The following ADGRD1 variants were observed in gnomAD, a reference collection of about 807,000 sequenced individuals.
ADGRD1 encodes adhesion G protein-coupled receptor D1.
A neutral mutation model predicts 113.4 loss-of-function variants in ADGRD1; 77 were observed. That is an observed-to-expected ratio of 0.68 (90% CI 0.57 to 0.82). The LOEUF is 0.82. Among genes scored for constraint, ADGRD1 ranks in the 40% least tolerant of loss-of-function variants. The pLI is 0.00. For missense variants in ADGRD1, 1,036 were observed against 1,139.1 expected (o/e 0.91, Z 1.30); for synonymous variants, 474 against 475.0 (o/e 1.00, Z 0.03).
chr12:131,005,977 A>G lies in ADGRD1; in HGVS notation c.1261A>G (p.Ser421Gly). The stretch of plus-strand genomic sequence containing the variant: ...CCCCTCTGCTCTCTCTGCAGCCTGG[A>G]GCACCGTCGTGGGTCTGCTGTACCA... ...PHEAFHRHAW[S>G]TVVGLLYHSM... Residue 421 changes from serine (S) to glycine (G), a missense_variant, in exon 12 of 25, where the codon AGC (serine) becomes GGC (glycine). Coordinates refer to ENST00000261654, the MANE Select transcript of ADGRD1 (RefSeq NM_198827.5). The G allele has an allele frequency of 6.2e-7, 1 of 1,610,782 alleles. No individual in the cohort carries two copies.
At chr12:130,980,464 C>T (rs143893311) in intron 4 of ADGRD1, among the ~76,000 whole-genome samples, 2 of 151,140 alleles carry the variant, frequency 1.3e-5, no homozygotes, top group East Asian at 3.9e-4. Flanking sequence ...ATGGCGTGGT[C>T]TCGGCTCACT....
chr12:131,008,083 A>G (rs1877390322), intron 12 of ADGRD1, among the ~76,000 whole-genome samples: 1 of 152,220 alleles, frequency 6.6e-6, no homozygotes, highest in South Asian at 2.1e-4. Flanking sequence ...TTAAAACAGG[A>G]GTAATAATAG....
intron 13 of ADGRD1, among the ~76,000 whole-genome samples, chr12:131,014,563 T>C: frequency 6.6e-6 from 1 of 152,116 alleles, no homozygotes; most frequent in East Asian, 1.9e-4. Flanking sequence ...GTGTCGATGT[T>C]GGGGAAGAGG....
chr12:131,005,896 G>T, intron 11 of ADGRD1, 76 bp from the exon 12 acceptor site: 1 of 1,105,174 alleles, frequency 9.0e-7, no homozygotes, highest in South Asian at 1.2e-5. Flanking sequence ...CATGCATGGC[G>T]GGGCGTGGGG....
chr12:130,991,179 T>C (rs1439364151), intron 7 of ADGRD1, 101 bp downstream of exon 7: 1 of 871,928 alleles, frequency 1.1e-6, no homozygotes, highest in Non-Finnish European at 1.9e-6. Context: ...GGCTCTCTGT[T>C]ATCGGCAGTA....
At chr12:131,029,524 A>G (rs879200074) in intron 13 of ADGRD1, among the ~76,000 whole-genome samples, 2 of 151,400 alleles carry the variant, frequency 1.3e-5, no homozygotes, top group East Asian at 3.9e-4. Flanking sequence ...CTCTGGGATT[A>G]GGTTGTGGAC....
At chr12:131,094,077 C>A (rs2137266390) in intron 15 of ADGRD1, among the ~76,000 whole-genome samples, 1 of 150,686 alleles carries the variant, frequency 6.6e-6, no homozygotes, top group Non-Finnish European at 1.5e-5. Flanking sequence ...GGCACCCAGC[C>A]CTGAGCACCC....
chr12:131,101,768 C>G (rs927802496), intron 15 of ADGRD1, among the ~76,000 whole-genome samples: 1 of 152,256 alleles, frequency 6.6e-6, no homozygotes, highest in Middle Eastern at 3.4e-3. Flanking sequence ...TGCTGAGGCC[C>G]AAAACTCTTG....
rs748755979 is a variant in ADGRD1, at chr12:131,050,938, C to T, written c.1474-25863C>T. ...CAGGTGGGAATGCCTGCTTGCCCAC[C>T]GCTCTGTGTGCTGTGTGCCCGGTTC... On this transcript the variant is annotated intron_variant, in intron 13 of 24. Transcript: ENST00000261654. The surrounding 1 kb of genome is among the most constrained non-coding windows in gnomAD (Gnocchi z 4.8). Among the ~76,000 whole-genome samples the T allele has an allele frequency of 3.9e-5, 6 of 152,180 alleles. No individual in the cohort carries two copies. Among genetic ancestry groups the T allele is most frequent in the Non-Finnish European group, 1.5e-5 (1 of 68,026 alleles).
chr12:131,002,735 T>C, intron 9 of ADGRD1: 1 of 1,255,982 alleles, frequency 8.0e-7, no homozygotes, highest in Non-Finnish European at 1.0e-6. Flanking sequence ...TGCCGGCACC[T>C]CGGAAGCAGC....
At chr12:130,955,720 C>A (rs1416543927) in intron 2 of ADGRD1, among the ~76,000 whole-genome samples, 1 of 152,212 alleles carries the variant, frequency 6.6e-6, no homozygotes, top group Admixed American at 6.5e-5. Flanking sequence ...TGGGCACCCC[C>A]CCGAGCGCTA....
In ADGRD1 at chr12:131,118,426, A is replaced by T; in HGVS notation, c.2083A>T (p.Met695Leu). 6.2e-7 allele frequency: 1 copy of T among 1,612,134 alleles called. No homozygotes were observed. The highest frequency in any genetic ancestry group is 8.5e-7 in the Non-Finnish European group (1 of 1,179,334). ...LICIISLSFAMDSYGTSNNCW... is the reference protein window; with the variant it reads ...LICIISLSFALDSYGTSNNCW... ...CTGCATCATTTCACTGTCATTTGCC[A>T]TGGACAGTTACGGAACAAGCAACAA... Residue 695 changes from methionine (M) to leucine (L), a missense_variant, in exon 19 of 25, where the codon ATG (methionine) becomes TTG (leucine). Transcript: ENST00000261654.
Position 130,992,240 on chromosome 12 carries a change from C to T in ADGRD1, c.814C>T (p.Pro272Ser), listed in dbSNP as rs750096003. Residue 272 changes from proline (P) to serine (S), a missense_variant, in exon 8 of 25, where the codon CCC becomes TCC. Transcript: ENST00000261654. Reference sequence around the variant, plus strand: ...TCATGTTGCCAATTTCTTTCAGATGCCCACAGATGCCTACCATCCCATCAT... The same window carrying T: ...TCATGTTGCCAATTTCTTTCAGATGTCCACAGATGCCTACCATCCCATCAT... ...FMTSTASPVM[P>S]TDAYHPIITN... The T allele has an allele frequency of 1.2e-6, 2 of 1,604,270 alleles. No individual in the cohort carries two copies. Among genetic ancestry groups the T allele is most frequent in the African/African-American group, 1.3e-5 (1 of 74,468 alleles).
Position 131,140,631 on chromosome 12 carries a change from C to A in ADGRD1, c.*1368C>A, listed in dbSNP as rs535852939. 5.9e-5 allele frequency: 9 copies of A among 152,404 alleles called. No homozygotes were observed. In the East Asian group the frequency reaches 1.7e-3, roughly 29 times the overall value. 9.4% of individuals were successfully genotyped at this position (152,404 alleles called of 1,614,324 possible). ...CATGATTTCATTCAGCCCCTCCACACCCCTATGTCTGCCTTGTTTCAGAGT... is the reference window on the plus strand; with the variant it reads ...CATGATTTCATTCAGCCCCTCCACAACCCTATGTCTGCCTTGTTTCAGAGT... On this transcript the variant is annotated 3_prime_UTR_variant, in exon 25 of 25. Transcript: ENST00000261654.
At chr12:130,997,026 C>G (rs1875554028) in intron 8 of ADGRD1, among the ~76,000 whole-genome samples, 1 of 136,192 alleles carries the variant, frequency 7.3e-6, no homozygotes, top group Non-Finnish European at 1.6e-5. Context: ...CCCCCACCTC[C>G]CTCCCGGACG....
rs1446989016 is a variant in ADGRD1 at position 130,954,608 on chromosome 12, G to A, written c.67-16G>A. On this transcript the variant is annotated splice_polypyrimidine_tract_variant and intron_variant, in intron 1 of 24. Coordinates refer to ENST00000261654, the MANE Select transcript of ADGRD1 (RefSeq NM_198827.5). This position sits in a 1 kb window ranked among gnomAD's most constrained non-coding sequence, Gnocchi z 4.7. Reference sequence around the variant, plus strand: ...TTTCCCTGAGTGTGTCTCACACTGTGGTCTTTTGTGCGCAGGTGCGTGGCG... The same window carrying A: ...TTTCCCTGAGTGTGTCTCACACTGTAGTCTTTTGTGCGCAGGTGCGTGGCG... The A allele has an allele frequency of 1.2e-6, 2 of 1,614,066 alleles. No homozygotes were observed. The highest frequency in any genetic ancestry group is 2.2e-5 in the East Asian group (1 of 44,876).
Position 131,003,846 on chromosome 12 carries a change from G to A in ADGRD1, c.1145-340G>A, listed in dbSNP as rs1464765536. 1.3e-5 allele frequency among the ~76,000 whole-genome samples: 2 copies of A among 152,172 alleles called. No individual in the cohort carries two copies. Among genetic ancestry groups the A allele is most frequent in the African/African-American group, 4.8e-5 (2 of 41,450 alleles). ...TGGCCGTGTTGCCCTCGCCTGCTGC[G>A]CTTGGGGAGGAGCCGATGTCACCGC... On this transcript the variant is annotated intron_variant, in intron 10 of 24. Coordinates refer to ENST00000261654, the MANE Select transcript of ADGRD1 (RefSeq NM_198827.5). The surrounding 1 kb of genome is among the most constrained non-coding windows in gnomAD (Gnocchi z 4.8).
At chr12:131,002,347 T>A (rs192701681) in intron 9 of ADGRD1, among the ~76,000 whole-genome samples, 1 of 152,232 alleles carries the variant, frequency 6.6e-6, no homozygotes, top group Non-Finnish European at 1.5e-5. Context: ...TTCCATGTGC[T>A]TAACTGGGCC....
chr12:130,958,690 T>C (rs372883473), intron 2 of ADGRD1, among the ~76,000 whole-genome samples: 21 of 152,154 alleles, frequency 1.4e-4, no homozygotes, highest in Non-Finnish European at 2.8e-4. Flanking sequence ...CTGGCGCGTC[T>C]CCTCAGGAGC....
Sources: gnomAD v4.1 joint callset for allele counts (sites outside exome capture counted in the v4.1 genomes callset) on GRCh38, gnomAD v4.1.1 for gene constraint, Gnocchi (gnomAD v3.1) non-coding constraint, MANE v1.5 for transcripts, NCBI Gene and HGNC (gene_info 2026-07-23, HGNC 2026-07-21) for gene names.